MIPEP: variants seen among roughly 807,000 people sequenced by gnomAD.
The protein encoded by MIPEP is mitochondrial intermediate peptidase.
Under a neutral mutation model 90.3 loss-of-function variants are expected in MIPEP, and 79 were observed. That is an observed-to-expected ratio of 0.87 (90% CI 0.73 to 1.05). MIPEP has a LOEUF of 1.05. Ranked by LOEUF, MIPEP falls within the 50% of genes least tolerant of loss-of-function variation. The pLI is 0.00. For missense variants in MIPEP, 940 were observed against 905.6 expected (o/e 1.04, Z -0.49); for synonymous variants, 334 against 315.8 (o/e 1.06, Z -0.61).
intron 10 of MIPEP, among the ~76,000 whole-genome samples, chr13:23,851,338 CAATG>C (rs1041225673): frequency 2.0e-5 from 3 of 152,292 alleles, no homozygotes; most frequent in African/African-American, 7.2e-5. Context: ...GACTGAAACA[CAATG>C]AATCAATGGA....
At chr13:23,784,807 C>T (rs1472523895) in intron 16 of MIPEP, among the ~76,000 whole-genome samples, 1 of 152,114 alleles carries the variant, frequency 6.6e-6, no homozygotes, top group Non-Finnish European at 1.5e-5. Context: ...AAACAAACAA[C>T]CCCATCAAAA....
chr13:23,779,480 T>A (rs973513410), intron 16 of MIPEP, among the ~76,000 whole-genome samples: 3 of 152,038 alleles, frequency 2.0e-5, no homozygotes, highest in African/African-American at 7.2e-5. Context: ...GGGGGGGCAG[T>A]TCCAAGATGG....
chr13:23,860,008 T>C (rs781528263), intron 9 of MIPEP, among the ~76,000 whole-genome samples: 46 of 152,238 alleles, frequency 3.0e-4, no homozygotes, highest in Non-Finnish European at 5.0e-4. Context: ...GTTCTGGTCC[T>C]GGCACACATT....
chr13:23,836,349 C>A lies in MIPEP; in HGVS notation c.1544G>T (p.Gly515Val). The A allele has an allele frequency of 6.5e-7, 1 of 1,550,182 alleles. No homozygotes were observed. Among genetic ancestry groups the A allele is most frequent in the Non-Finnish European group, 8.7e-7 (1 of 1,155,538 alleles). ...AGCAAAATCAGTAGGGCACCTGGTC[C>A]CTAAAACAAGAAAAAAAAAAAAGTT... ...LGRTRYQHVT[G>V]TRCPTDFAEV... The change falls in exon 14 of 19, where the codon GGG becomes GTG. Residue 515 changes from glycine (G) to valine (V), a missense_variant and splice_region_variant. By Grantham distance (109) the Gly-to-Val change is moderately radical (BLOSUM62 -3). Coordinates refer to ENST00000382172, the MANE Select transcript of MIPEP (RefSeq NM_005932.4).
At chr13:23,758,784 C>A (rs907150672) in intron 17 of MIPEP, among the ~76,000 whole-genome samples, 4 of 152,162 alleles carry the variant, frequency 2.6e-5, no homozygotes, top group Admixed American at 6.5e-5. Flanking sequence ...AAATCCAAGT[C>A]TAAGTCAAAT....
intron 16 of MIPEP, among the ~76,000 whole-genome samples, chr13:23,788,676 T>C (rs1952872086): frequency 6.6e-6 from 1 of 152,226 alleles, no homozygotes; most frequent in Non-Finnish European, 1.5e-5. Context: ...AACCACATGA[T>C]GCGCACTAGT....
chr13:23,806,725 T>TATCC (rs1953113583), intron 15 of MIPEP, among the ~76,000 whole-genome samples: 1 of 141,190 alleles, frequency 7.1e-6, no homozygotes. Flanking sequence ...TATATCTATC[T>TATCC]ATCTATCTAT....
chr13:23,740,842 C>T (rs1952319759), intron 18 of MIPEP, among the ~76,000 whole-genome samples: 1 of 152,212 alleles, frequency 6.6e-6, no homozygotes, highest in Admixed American at 6.5e-5. Flanking sequence ...AGGGACTGCC[C>T]TCCATAGCTT....
At chr13:23,762,156 C>T (rs547116678) in intron 16 of MIPEP, among the ~76,000 whole-genome samples, 166 of 151,892 alleles carry the variant, frequency 1.1e-3, no homozygotes, top group African/African-American at 3.9e-3. Context: ...AATAAATAAA[C>T]AACTTTTTTA....
chr13:23,759,620 G>T (rs1421225959), intron 17 of MIPEP, among the ~76,000 whole-genome samples: 1 of 152,124 alleles, frequency 6.6e-6, no homozygotes, highest in African/African-American at 2.4e-5. Flanking sequence ...CCACTACCTG[G>T]CCTTTAGAAA....
In MIPEP at chr13:23,837,656, C is replaced by T. The variant is rs750413321; in HGVS notation, c.1439G>A (p.Ser480Asn). Residue 480 changes from serine (S) to asparagine (N), a missense_variant, in exon 13 of 19, where the codon AGT becomes AAT. Transcript: ENST00000382172. The stretch of plus-strand genomic sequence containing the variant: ...GCTAGGAGTTAGCAAAGTTGGAGAA[C>T]TCCTTGAGGAACGGGGAAGATTCAG... The part of the protein sequence containing the change: ...LMLNLPRSSR[S>N]SPTLLTPSMM... 6.8e-6 allele frequency: 11 copies of T among 1,614,010 alleles called. No homozygotes were observed. The South Asian group carries it at 1.1e-4, about 16-fold the overall frequency.
At chr13:23,839,608 C>T (rs778517011) in intron 12 of MIPEP, 41 bp downstream of exon 12, 29 of 1,326,980 alleles carry the variant, frequency 2.2e-5, no homozygotes, top group Middle Eastern at 1.9e-4. Flanking sequence ...AATGAAATGC[C>T]GATCGGTTCT....
intron 18 of MIPEP, among the ~76,000 whole-genome samples, chr13:23,741,492 TA>T (rs36116586): frequency 0.51 from 77,047 of 151,990 alleles, 20,275 homozygotes; most frequent in East Asian, 0.79. Flanking sequence ...TATGTAGCTA[TA>T]AAAAAATGAG....
intron 5 of MIPEP, among the ~76,000 whole-genome samples, chr13:23,873,412 ATGC>A (rs1201369843): frequency 3.9e-5 from 6 of 152,226 alleles, no homozygotes; most frequent in Non-Finnish European, 8.8e-5. Flanking sequence ...GGATGGTGAC[ATGC>A]TGGCCATGGA....
intron 4 of MIPEP, among the ~76,000 whole-genome samples, chr13:23,878,165 C>T (rs894469958): frequency 1.1e-4 from 16 of 152,160 alleles, no homozygotes; most frequent in Admixed American, 7.2e-4. Context: ...GTACCAGTTC[C>T]GTATAAATCT....
At chr13:23,868,830 C>T (rs765897415) in intron 7 of MIPEP, among the ~76,000 whole-genome samples, 6 of 152,176 alleles carry the variant, frequency 3.9e-5, no homozygotes, top group Non-Finnish European at 5.9e-5. Context: ...GACACACTTC[C>T]GTAACACCTC....
intron 14 of MIPEP, among the ~76,000 whole-genome samples, chr13:23,816,212 C>A (rs1953235307): frequency 6.6e-6 from 1 of 152,086 alleles, no homozygotes; most frequent in Admixed American, 6.6e-5. Flanking sequence ...TTGGCAAATT[C>A]TCAGTTATTA....
intron 17 of MIPEP, among the ~76,000 whole-genome samples, chr13:23,758,321 G>A (rs139687382): frequency 2.0e-5 from 3 of 152,268 alleles, no homozygotes; most frequent in African/African-American, 7.2e-5. Context: ...TATTTCTCAG[G>A]AGTGAGATCA....
At chr13:23,744,270 A>G (rs1952361687) in intron 18 of MIPEP, among the ~76,000 whole-genome samples, 1 of 152,194 alleles carries the variant, frequency 6.6e-6, no homozygotes, top group African/African-American at 2.4e-5. Flanking sequence ...CACTTTTCAG[A>G]TTTGTCCCCA....
Sources: gnomAD v4.1 joint callset for allele counts (sites outside exome capture counted in the v4.1 genomes callset) on GRCh38, gnomAD v4.1.1 for gene constraint, MANE v1.5 for transcripts, NCBI Gene and HGNC (gene_info 2026-07-23, HGNC 2026-07-21) for gene names.